The following KDM4B variants were observed in gnomAD, a reference collection of about 807,000 sequenced individuals.
The protein encoded by KDM4B is lysine-specific demethylase 4B.
In KDM4B, 32 loss-of-function variants were observed where a neutral mutation model predicts 125.2. The ratio of observed to expected loss-of-function variants is 0.26; its 90% CI spans 0.19 to 0.34. The LOEUF is 0.34. Ranked by LOEUF, KDM4B falls within the 10% of genes least tolerant of loss-of-function variation. The pLI is 1.00. For synonymous variants in KDM4B, 721 were observed against 677.9 expected, an observed-to-expected ratio of 1.06 and a Z score of -0.99; for missense variants, 1,190 against 1,577.7, an observed-to-expected ratio of 0.75 and a Z score of 4.16.
chr19:5,009,795 C>T (rs1186060406), intron 1 of KDM4B, among the ~76,000 whole-genome samples: 4 of 151,996 alleles, frequency 2.6e-5, no homozygotes, highest in Non-Finnish European at 5.9e-5. Flanking sequence ...GCAGGGGCGC[C>T]ATCTTGGCTC....
rs550989151 is a variant in KDM4B, at chr19:5,082,604, G to C, written c.918+100G>C. On this transcript the variant is annotated intron_variant, in intron 9 of 22. Transcript: ENST00000159111. The surrounding 1 kb of genome is among the most constrained non-coding windows in gnomAD (Gnocchi z 5.4). ...CCATAGCTGGTCCAGCAGCCGTTTC[G>C]CTCAGCCCAGGGCCTGGGCTCTCAA... 53 of 1,344,512 alleles carry C rather than the reference G, an allele frequency of 3.9e-5. No individual in the cohort carries two copies. The East Asian group carries it at 1.0e-3, about 26-fold the overall frequency. The allele number at this position is 1,344,512 out of a possible 1,614,324, so 83.3% of individuals were successfully genotyped here.
intron 7 of KDM4B, among the ~76,000 whole-genome samples, chr19:5,072,449 G>T (rs1271618739): frequency 6.6e-6 from 1 of 152,134 alleles, no homozygotes; most frequent in African/African-American, 2.4e-5. Context: ...TGGAAACCTG[G>T]ACCCCTTTCT....
In KDM4B at chr19:5,070,810, C is replaced by T. The variant is rs375735540; in HGVS notation, c.627-200C>T. 8 of 534,922 alleles carry T rather than the reference C, an allele frequency of 1.5e-5. No individual in the cohort carries two copies. In the South Asian group the frequency reaches 1.9e-4, roughly 13 times the overall value. 33.1% of individuals were successfully genotyped at this position (534,922 alleles called of 1,614,324 possible). On this transcript the variant is annotated intron_variant, in intron 6 of 22. Transcript: ENST00000159111. ...TGGTCCTCACTCCCCGCTCCTCCAC[C>T]TGCCCCACCTCGCTTCCTTACGGAT...
At chr19:5,111,990 A>G (rs2039157666) in intron 10 of KDM4B, 4 of 609,500 alleles carry the variant, frequency 6.6e-6, no homozygotes, top group Non-Finnish European at 1.2e-5. Context: ...ACGATCGCTC[A>G]CACCTGTAAT....
chr19:4,987,834 A>G (rs1433179281), intron 1 of KDM4B, among the ~76,000 whole-genome samples: 1 of 152,056 alleles, frequency 6.6e-6, no homozygotes, highest in Non-Finnish European at 1.5e-5. Context: ...GCTCAGGAGA[A>G]GGGGGTCTGG....
chr19:5,088,658 C>T (rs1427363676), intron 9 of KDM4B, among the ~76,000 whole-genome samples: 1 of 98,740 alleles, frequency 1.0e-5, no homozygotes, highest in Non-Finnish European at 2.2e-5. Context: ...AGGCCAGGCC[C>T]CCCCCCTCCC....
rs1227503617 is a variant in KDM4B at position 5,137,174 on chromosome 19, A to C, written c.2309-88A>C. ...CTCCACATACGGACACTGGCCCCCA[A>C]GTTACCCGGCCCCTCCCCCTGAGTT... On this transcript the variant is annotated intron_variant, in intron 15 of 22. Transcript: ENST00000159111. 6 of 887,016 alleles carry C rather than the reference A, an allele frequency of 6.8e-6. No individual in the cohort carries two copies. The African/African-American group carries it at 8.2e-5, about 12-fold the overall frequency. 54.9% of individuals were successfully genotyped at this position (887,016 alleles called of 1,614,324 possible). A position where few individuals can be genotyped will look rare whatever the true frequency, so the allele number is the denominator to read the frequency against.
At chr19:5,138,254 T>G (rs2039683959) in intron 18 of KDM4B, 184 bp downstream of exon 18, 1 of 589,296 alleles carries the variant, frequency 1.7e-6, no homozygotes, top group African/African-American at 1.9e-5. Context: ...TTTGAATCCT[T>G]CCCCGAGGTG....
Position 5,082,278 on chromosome 19 carries a change from T to C in KDM4B, c.781-89T>C. 1 of 1,520,198 alleles carries C rather than the reference T, an allele frequency of 6.6e-7. No individual in the cohort carries two copies. The highest frequency in any genetic ancestry group is 9.0e-7 in the Non-Finnish European group (1 of 1,112,498). The allele number at this position is 1,520,198 out of a possible 1,614,324, so 94.2% of individuals were successfully genotyped here. ...AACCCCCTTGGCTCATAAGCCAGGC[T>C]CCCTGGCACTTGCTGGGAAGTGCCC... On this transcript the variant is annotated intron_variant, in intron 8 of 22. Coordinates refer to ENST00000159111, the MANE Select transcript of KDM4B (RefSeq NM_015015.3). This position sits in a 1 kb window ranked among gnomAD's most constrained non-coding sequence, Gnocchi z 5.4.
At chr19:5,145,850 G>A (rs1031607995) in intron 21 of KDM4B, among the ~76,000 whole-genome samples, 2 of 152,130 alleles carry the variant, frequency 1.3e-5, no homozygotes, top group Non-Finnish European at 2.9e-5. Context: ...GCCTTAGCTC[G>A]CACCCCGAGC....
chr19:5,063,927 A>G (rs1347030386), intron 6 of KDM4B, among the ~76,000 whole-genome samples: 1 of 152,110 alleles, frequency 6.6e-6, no homozygotes, highest in Non-Finnish European at 1.5e-5. Flanking sequence ...CCGGGACTGC[A>G]TGTCGGCTGA....
chr19:5,041,587 C>T (rs551065032), intron 5 of KDM4B, among the ~76,000 whole-genome samples: 28 of 152,220 alleles, frequency 1.8e-4, no homozygotes, highest in Non-Finnish European at 3.4e-4. Context: ...TGTGGAGCCT[C>T]GAGTCCTCAG....
intron 11 of KDM4B, among the ~76,000 whole-genome samples, chr19:5,124,073 C>T (rs2039408678): frequency 6.6e-6 from 1 of 152,104 alleles, no homozygotes; most frequent in African/African-American, 2.4e-5. Flanking sequence ...TGAAGCTGCC[C>T]TTCTCACGAG....
chr19:5,022,344 G>C (rs1007628642), intron 2 of KDM4B, among the ~76,000 whole-genome samples: 1 of 152,176 alleles, frequency 6.6e-6, no homozygotes, highest in Non-Finnish European at 1.5e-5. Context: ...TCTTGGGTAC[G>C]TAGGGCACAG....
intron 1 of KDM4B, among the ~76,000 whole-genome samples, chr19:4,998,698 A>G (rs1229438659): frequency 6.6e-6 from 1 of 152,080 alleles, no homozygotes; most frequent in Non-Finnish European, 1.5e-5. Context: ...TCAACACAGC[A>G]CTCAGTCGTC....
At chr19:5,014,205 A>T (rs975643518) in intron 1 of KDM4B, among the ~76,000 whole-genome samples, 1 of 151,848 alleles carries the variant, frequency 6.6e-6, no homozygotes, top group Non-Finnish European at 1.5e-5. Flanking sequence ...GCAGCCTTGA[A>T]CTCCTGGGCT....
At chr19:5,138,385 A>G in intron 18 of KDM4B, 1 of 350,262 alleles carries the variant, frequency 2.9e-6, no homozygotes, top group South Asian at 3.9e-5. Context: ...TTCCCACAAA[A>G]GCAGAGGCAC....
intron 21 of KDM4B, among the ~76,000 whole-genome samples, chr19:5,146,547 G>A (rs542069854): frequency 2.0e-5 from 3 of 152,302 alleles, no homozygotes; most frequent in South Asian, 2.1e-4. Flanking sequence ...GGGCAAGGTC[G>A]ATTTGCACCC....
Position 5,151,583 on chromosome 19 carries a change from T to A in KDM4B, c.*72T>A. 8.1e-7 allele frequency: 1 copy of A among 1,232,624 alleles called. No homozygotes were observed. The highest frequency in any genetic ancestry group is 1.0e-6 in the Non-Finnish European group (1 of 969,586). The allele number at this position is 1,232,624 out of a possible 1,614,324, so 76.4% of individuals were successfully genotyped here. A position where few individuals can be genotyped will look rare whatever the true frequency, so the allele number is the denominator to read the frequency against. ...GCATGCCCCGGGCGTTCGCTTGCTG[T>A]GAATTCCTGTCCTCGTGTCCCCGAC... On this transcript the variant is annotated 3_prime_UTR_variant, in exon 23 of 23. Coordinates refer to ENST00000159111, the MANE Select transcript of KDM4B (RefSeq NM_015015.3).
Sources: allele counts gnomAD v4.1 joint callset (sites outside exome capture counted in the v4.1 genomes callset), GRCh38; gene constraint gnomAD v4.1.1; non-coding constraint Gnocchi (gnomAD v3.1); transcripts MANE v1.5; gene names NCBI Gene and HGNC (gene_info 2026-07-23, HGNC 2026-07-21).